Variants in RAPGEF4 observed in about 807,000 individuals in gnomAD.
RAPGEF4 encodes the protein Rap guanine nucleotide exchange factor 4.
Under a neutral mutation model 147.9 loss-of-function variants are expected in RAPGEF4, and 66 were observed. The ratio of observed to expected loss-of-function variants is 0.45; its 90% CI spans 0.37 to 0.55. The LOEUF (loss-of-function observed/expected upper bound fraction) is 0.55. RAPGEF4 is among the 20% of genes least tolerant of loss of function. The probability of loss-of-function intolerance (pLI) is 0.00; values close to 1 mark genes in which losing one functional copy is unlikely to be tolerated. For synonymous variants in RAPGEF4, 419 were observed against 442.7 expected (o/e 0.95, Z 0.67); for missense variants, 1,071 against 1,257.3 (o/e 0.85, Z 2.24).
intron 29 of RAPGEF4, among the ~76,000 whole-genome samples, chr2:173,045,331 A>G (rs1209190510): frequency 6.6e-6 from 1 of 152,244 alleles, no homozygotes; most frequent in Non-Finnish European, 1.5e-5. Flanking sequence ...TAGGCCCAGT[A>G]TAGCATCATC....
chr2:172,848,085 GGAAA>G (rs1202582771), intron 4 of RAPGEF4, among the ~76,000 whole-genome samples: 2 of 152,078 alleles, frequency 1.3e-5, no homozygotes, highest in Non-Finnish European at 2.9e-5. Flanking sequence ...GAGTCTAGTT[GGAAA>G]GAAACTACCT....
intron 4 of RAPGEF4, among the ~76,000 whole-genome samples, chr2:172,857,599 G>T (rs1223149836): frequency 6.6e-6 from 1 of 152,140 alleles, no homozygotes; most frequent in Non-Finnish European, 1.5e-5. Context: ...ATAGAAACTG[G>T]TGAAATAGGC....
At chr2:173,020,210 C>G (rs1695938640) in intron 22 of RAPGEF4, among the ~76,000 whole-genome samples, 1 of 152,132 alleles carries the variant, frequency 6.6e-6, no homozygotes, top group African/African-American at 2.4e-5. Context: ...GTAAATTTTG[C>G]ATCTAAAATC....
At chr2:172,962,226 T>A (rs1259700938) in intron 8 of RAPGEF4, among the ~76,000 whole-genome samples, 1 of 152,198 alleles carries the variant, frequency 6.6e-6, no homozygotes, top group Non-Finnish European at 1.5e-5. Flanking sequence ...ATGACTGCCC[T>A]CTTTCAGCAA....
intron 6 of RAPGEF4, among the ~76,000 whole-genome samples, chr2:172,938,661 G>T (rs1686846376): frequency 6.6e-6 from 1 of 151,952 alleles, no homozygotes; most frequent in Non-Finnish European, 1.5e-5. Flanking sequence ...TTCCATCCTG[G>T]GATACCCTAA....
intron 1 of RAPGEF4, among the ~76,000 whole-genome samples, chr2:172,743,473 T>G (rs10193942): frequency 0.25 from 37,801 of 152,122 alleles, 4,970 homozygotes; most frequent in South Asian, 0.29. Context: ...CTGTAACTGC[T>G]CAGATTCCTT....
At chr2:172,967,683 G>A (rs1388672804) in intron 10 of RAPGEF4, among the ~76,000 whole-genome samples, 4 of 152,194 alleles carry the variant, frequency 2.6e-5, no homozygotes, top group Non-Finnish European at 5.9e-5. Context: ...GTCAGTAGTT[G>A]GCTCCGGCTG....
chr2:173,026,707 A>G lies in RAPGEF4; in HGVS notation c.2379+10A>G. The G allele has an allele frequency of 1.2e-6, 2 of 1,613,420 alleles. No homozygotes were observed. The highest frequency in any genetic ancestry group is 1.7e-6 in the Non-Finnish European group (2 of 1,179,728). On this transcript the variant is annotated intron_variant, in intron 24 of 30. Transcript: ENST00000397081. ...CAACTGCGTGCATGAGGTAAGATGC[A>G]GGATCAGATGTGTTAGTAGCTGAGA...
At chr2:172,736,324 C>G (rs910093242) in intron 1 of RAPGEF4, 2 of 274,682 alleles carry the variant, frequency 7.3e-6, no homozygotes, top group South Asian at 3.1e-4. Context: ...CCTGCCCTGC[C>G]GCGACTCCAG....
At chr2:172,759,096 CA>C (rs71018518) in intron 1 of RAPGEF4, among the ~76,000 whole-genome samples, 5,468 of 152,200 alleles carry the variant, frequency 0.036, 119 homozygotes, top group Non-Finnish European at 0.057. Flanking sequence ...GTCATGTTGA[CA>C]AAACATCAGG....
At chr2:172,755,796 C>T (rs6433380) in intron 1 of RAPGEF4, among the ~76,000 whole-genome samples, 134,880 of 152,236 alleles carry the variant, frequency 0.89, 61,480 homozygotes, top group Non-Finnish European at 0.99. Context: ...GTAACTCTTA[C>T]ATAACCATAC....
intron 6 of RAPGEF4, among the ~76,000 whole-genome samples, chr2:172,944,516 C>T (rs779679893): frequency 6.6e-6 from 1 of 152,168 alleles, no homozygotes; most frequent in Non-Finnish European, 1.5e-5. Flanking sequence ...TCCCACACTT[C>T]GGCTGTTTCT....
intron 4 of RAPGEF4, among the ~76,000 whole-genome samples, chr2:172,910,829 C>T (rs1423364673): frequency 6.6e-6 from 1 of 152,194 alleles, no homozygotes; most frequent in Non-Finnish European, 1.5e-5. Context: ...CTTCTTCTGA[C>T]CTAACCTGGG....
intron 3 of RAPGEF4, among the ~76,000 whole-genome samples, chr2:172,808,253 C>T (rs1286796189): frequency 1.3e-5 from 2 of 151,822 alleles, no homozygotes; most frequent in African/African-American, 4.8e-5. Context: ...TTAAGAAAAC[C>T]CAGTGTACAT....
intron 27 of RAPGEF4, among the ~76,000 whole-genome samples, chr2:173,035,051 T>C (rs1257297228): frequency 6.6e-6 from 1 of 151,992 alleles, no homozygotes; most frequent in East Asian, 1.9e-4. Context: ...TGAGTATAAC[T>C]TTTTATTATT....
At chr2:172,810,527 G>T (rs562754561) in intron 3 of RAPGEF4, among the ~76,000 whole-genome samples, 2 of 152,326 alleles carry the variant, frequency 1.3e-5, no homozygotes, top group East Asian at 3.9e-4. Context: ...AGGAGGAGAA[G>T]GAGTGATCCA....
chr2:172,988,331 A>G, intron 13 of RAPGEF4, 59 bp downstream of exon 13: 2 of 1,548,308 alleles, frequency 1.3e-6, no homozygotes, highest in Non-Finnish European at 1.7e-6. Context: ...GTGTGGCTCT[A>G]AGTATTAGCA....
intron 4 of RAPGEF4, among the ~76,000 whole-genome samples, chr2:172,827,393 T>C (rs1287591027): frequency 7.9e-5 from 12 of 152,156 alleles, no homozygotes; most frequent in Admixed American, 7.2e-4. Flanking sequence ...CATCTGACTT[T>C]ACCCTTCAGT....
At chr2:172,818,613 A>G (rs1230524973) in intron 4 of RAPGEF4, among the ~76,000 whole-genome samples, 1 of 152,178 alleles carries the variant, frequency 6.6e-6, no homozygotes, top group Non-Finnish European at 1.5e-5. Context: ...GTCTCCTTGT[A>G]GGTACTCTTA....
Sources: allele counts gnomAD v4.1 joint callset (sites outside exome capture counted in the v4.1 genomes callset), GRCh38; gene constraint gnomAD v4.1.1; transcripts MANE v1.5; gene names NCBI Gene and HGNC (gene_info 2026-07-23, HGNC 2026-07-21).